ZMAT4: variants seen among roughly 807,000 people sequenced by gnomAD.
The protein encoded by ZMAT4 is zinc finger matrin-type protein 4.
Under a neutral mutation model 28.7 loss-of-function variants are expected in ZMAT4, and 17 were observed. That is an observed-to-expected ratio of 0.59 (90% CI 0.41 to 0.89). ZMAT4 has a LOEUF of 0.89. ZMAT4 is among the 40% of genes least tolerant of loss of function. The probability of loss-of-function intolerance (pLI) is 0.00; values close to 1 mark genes in which losing one functional copy is unlikely to be tolerated. For missense variants in ZMAT4, 240 were observed against 283.8 expected (o/e 0.85, Z 1.11); for synonymous variants, 117 against 109.2 (o/e 1.07, Z -0.44).
intron 6 of ZMAT4, among the ~76,000 whole-genome samples, chr8:40,538,981 TC>T (rs1802937751): frequency 6.6e-6 from 1 of 152,026 alleles, no homozygotes; most frequent in Non-Finnish European, 1.5e-5. Flanking sequence ...AGACGGGGGT[TC>T]ACCATGTTAG....
At chr8:40,546,469 A>C (rs1355898467) in intron 6 of ZMAT4, among the ~76,000 whole-genome samples, 2 of 152,190 alleles carry the variant, frequency 1.3e-5, no homozygotes, top group Non-Finnish European at 2.9e-5. Flanking sequence ...GACAAAAAGA[A>C]ATTGATTATG....
chr8:40,621,028 T>C (rs1360604192), intron 5 of ZMAT4, among the ~76,000 whole-genome samples: 1 of 152,208 alleles, frequency 6.6e-6, no homozygotes, highest in Non-Finnish European at 1.5e-5. Context: ...AATTGAGGCT[T>C]GAGTTGCTTT....
intron 6 of ZMAT4, among the ~76,000 whole-genome samples, chr8:40,562,566 C>T (rs1803782455): frequency 1.3e-5 from 2 of 152,118 alleles, no homozygotes; most frequent in Admixed American, 6.5e-5. Context: ...CTCCTGGGTG[C>T]TGTCATCAAT....
intron 5 of ZMAT4, among the ~76,000 whole-genome samples, chr8:40,595,100 G>A (rs918761246): frequency 1.3e-5 from 2 of 152,162 alleles, no homozygotes; most frequent in Non-Finnish European, 2.9e-5. Flanking sequence ...ATTGAAAATC[G>A]TGTAATTGCA....
At chr8:40,665,096 C>T (rs183380918) in intron 5 of ZMAT4, among the ~76,000 whole-genome samples, 25 of 152,284 alleles carry the variant, frequency 1.6e-4, no homozygotes, top group African/African-American at 5.3e-4. Flanking sequence ...ATTCCAACTA[C>T]TCAGGAGTCT....
At chr8:40,654,607 G>A (rs1305487019) in intron 5 of ZMAT4, among the ~76,000 whole-genome samples, 2 of 152,036 alleles carry the variant, frequency 1.3e-5, no homozygotes, top group African/African-American at 4.8e-5. Flanking sequence ...AAATGATAAT[G>A]CACTATAACC....
intron 6 of ZMAT4, among the ~76,000 whole-genome samples, chr8:40,568,566 C>T (rs1328523991): frequency 3.3e-5 from 5 of 152,068 alleles, no homozygotes; most frequent in Admixed American, 3.3e-4. Context: ...AGGGTTACAC[C>T]TCAACATTCA....
At chr8:40,838,495 A>G (rs1390539197) in intron 1 of ZMAT4, among the ~76,000 whole-genome samples, 1 of 152,146 alleles carries the variant, frequency 6.6e-6, no homozygotes, top group Non-Finnish European at 1.5e-5. Flanking sequence ...AGTGTGTGCC[A>G]CCATGCCCAG....
At chr8:40,891,032 G>C (rs183695817) in intron 1 of ZMAT4, among the ~76,000 whole-genome samples, 1 of 151,236 alleles carries the variant, frequency 6.6e-6, no homozygotes, top group Non-Finnish European at 1.5e-5. Flanking sequence ...AATGTCTGCG[G>C]CATCAAAATC....
At chr8:40,756,375 T>C (rs1812679069) in intron 3 of ZMAT4, among the ~76,000 whole-genome samples, 1 of 143,924 alleles carries the variant, frequency 6.9e-6, no homozygotes, top group Non-Finnish European at 1.5e-5. Context: ...ATCAAAATTA[T>C]AAATGCACAC....
intron 5 of ZMAT4, among the ~76,000 whole-genome samples, chr8:40,630,086 A>G (rs932818380): frequency 1.3e-5 from 2 of 152,142 alleles, no homozygotes; most frequent in African/African-American, 4.8e-5. Context: ...GGCAGGTTCT[A>G]TATTACTTAT....
At chr8:40,769,787 T>G (rs544212405) in intron 2 of ZMAT4, among the ~76,000 whole-genome samples, 1 of 86,524 alleles carries the variant, frequency 1.2e-5, no homozygotes, top group African/African-American at 4.1e-5. Context: ...TTTGTGGCTG[T>G]TTTTTTTTTT....
At chr8:40,595,319 T>G (rs1470108624) in intron 5 of ZMAT4, among the ~76,000 whole-genome samples, 1 of 152,158 alleles carries the variant, frequency 6.6e-6, no homozygotes, top group African/African-American at 2.4e-5. Flanking sequence ...AGAAAAAGTA[T>G]ACACACATAC....
intron 5 of ZMAT4, among the ~76,000 whole-genome samples, chr8:40,618,731 A>G (rs1004395794): frequency 6.6e-6 from 1 of 151,514 alleles, no homozygotes; most frequent in African/African-American, 2.4e-5. Flanking sequence ...GGAGCAGAGC[A>G]AGGGTCTGGC....
chr8:40,854,929 TCA>T (rs148119447), intron 1 of ZMAT4, among the ~76,000 whole-genome samples: 5 of 151,200 alleles, frequency 3.3e-5, no homozygotes, highest in Non-Finnish European at 5.9e-5. Flanking sequence ...ATTATTGTTT[TCA>T]CACACACACA....
At chr8:40,884,858 T>C (rs2150666737) in intron 1 of ZMAT4, 2 of 152,356 alleles carry the variant, frequency 1.3e-5, no homozygotes, top group East Asian at 3.9e-4. Flanking sequence ...CATTTATATG[T>C]CCTCTATGGC....
At chr8:40,773,503 C>T (rs1813468460) in intron 2 of ZMAT4, among the ~76,000 whole-genome samples, 2 of 82,344 alleles carry the variant, frequency 2.4e-5, no homozygotes, top group African/African-American at 7.0e-5. Context: ...AGATTGGTGG[C>T]ATCTATAAAA....
intron 4 of ZMAT4, among the ~76,000 whole-genome samples, chr8:40,691,814 A>T (rs189162109): frequency 6.6e-6 from 1 of 152,258 alleles, no homozygotes; most frequent in East Asian, 1.9e-4. Context: ...AACAGTTAAA[A>T]CCACCTGTGA....
intron 1 of ZMAT4, among the ~76,000 whole-genome samples, chr8:40,847,871 G>T (rs1034156052): frequency 6.6e-6 from 1 of 152,148 alleles, no homozygotes; most frequent in African/African-American, 2.4e-5. Context: ...AGAAAACCCT[G>T]AGGTCAGCCT....
Sources: gnomAD v4.1 joint callset for allele counts (sites outside exome capture counted in the v4.1 genomes callset) on GRCh38, gnomAD v4.1.1 for gene constraint, MANE v1.5 for transcripts, NCBI Gene and HGNC (gene_info 2026-07-23, HGNC 2026-07-21) for gene names.